INSL6: variants seen among roughly 807,000 people sequenced by gnomAD.
The protein encoded by INSL6 is insulin like 6.
INSL6 carries 16 observed loss-of-function variants against 9.4 expected under a neutral mutation model. That is an observed-to-expected ratio of 1.70 (90% CI 1.15 to 2.59). The LOEUF (loss-of-function observed/expected upper bound fraction) is 2.59, where lower values mean the gene tolerates loss of function less well. Ranked by LOEUF, INSL6 falls within the 30% of genes most tolerant of loss-of-function variation. The pLI is 0.00. For synonymous variants in INSL6, 154 were observed against 96.9 expected, an observed-to-expected ratio of 1.59 and a Z score of -3.46; for missense variants, 391 against 257.3, an observed-to-expected ratio of 1.52 and a Z score of -3.56.
intron 3 of INSL6, chr9:5,127,650 T>C (rs985092265): frequency 4.7e-5 from 11 of 232,064 alleles, no homozygotes; most frequent in Non-Finnish European, 9.4e-5. Context: ...AGGAATATTG[T>C]CATCCTTTGA....
At chr9:5,136,265 T>C (rs958802031) in intron 2 of INSL6, among the ~76,000 whole-genome samples, 2 of 152,212 alleles carry the variant, frequency 1.3e-5, no homozygotes, top group Non-Finnish European at 2.9e-5. Flanking sequence ...CCCTAACTCA[T>C]TTTATGAGGC....
the INSL6 span, chr9:5,044,536 C>T: frequency 1.4e-6 from 2 of 1,386,202 alleles, no homozygotes; most frequent in Non-Finnish European, 2.0e-6. Context: ...ATTATATTAT[C>T]TTACTTGTAC....
the INSL6 span, among the ~76,000 whole-genome samples, chr9:5,118,584 C>T: frequency 1.3e-5 from 2 of 152,076 alleles, no homozygotes; most frequent in African/African-American, 4.8e-5. Flanking sequence ...TGTATATCCT[C>T]GGATGAATAT....
At chr9:5,069,216 A>G in the INSL6 span, 2 of 1,577,340 alleles carry the variant, frequency 1.3e-6, no homozygotes, top group Non-Finnish European at 1.7e-6. Flanking sequence ...AAGGTAAGAT[A>G]ATTTTCTAGT....
At chr9:5,177,821 C>T (rs1825345537) in intron 1 of INSL6, among the ~76,000 whole-genome samples, 2 of 152,100 alleles carry the variant, frequency 1.3e-5, no homozygotes, top group Non-Finnish European at 1.5e-5. Context: ...AGGAAGGTAC[C>T]CCACAACACA....
At chr9:5,185,234 A>G in intron 1 of INSL6, 80 bp downstream of exon 1, 5 of 1,555,868 alleles carry the variant, frequency 3.2e-6, no homozygotes, top group Non-Finnish European at 4.4e-6. Context: ...TTCCTGGGGA[A>G]GCTCACCTTC....
the INSL6 span, among the ~76,000 whole-genome samples, chr9:5,060,099 T>C: frequency 6.6e-6 from 1 of 152,110 alleles, no homozygotes; most frequent in Non-Finnish European, 1.5e-5. Flanking sequence ...TAATCAAGTC[T>C]ACTAAGTGTG....
chr9:5,036,372 A>G, the INSL6 span, among the ~76,000 whole-genome samples: 3 of 152,216 alleles, frequency 2.0e-5, no homozygotes, highest in Non-Finnish European at 4.4e-5. Context: ...ATTGGAAAAA[A>G]CTACTTTAAA....
At chr9:5,014,979 C>G in the INSL6 span, among the ~76,000 whole-genome samples, 6 of 151,944 alleles carry the variant, frequency 3.9e-5, no homozygotes, top group East Asian at 1.2e-3. Flanking sequence ...TATGCCTAAA[C>G]AATGTACTAT....
At chr9:4,999,900 G>C in the INSL6 span, among the ~76,000 whole-genome samples, 9 of 152,086 alleles carry the variant, frequency 5.9e-5, no homozygotes, top group African/African-American at 2.2e-4. Context: ...TTTTTCAAAG[G>C]ACAATTATTA....
chr9:5,185,456 G>A lies in INSL6; in HGVS notation c.147C>T (p.Asn49=). The change falls in exon 1 of 2, where the codon AAC becomes AAT. Residue 49 remains asparagine, a synonymous_variant. Coordinates refer to ENST00000381641, the MANE Select transcript of INSL6 (RefSeq NM_007179.3). Reference sequence around the variant, plus strand: ...CCTCCTCGAAACGGAACTGGCTCCAGTTGGCATGGCCGCAGAGTTTTTCTA... The same window carrying A: ...CCTCCTCGAAACGGAACTGGCTCCAATTGGCATGGCCGCAGAGTTTTTCTA... ...KEIEKLCGHA[N]WSQFRFEEET... 6.2e-7 allele frequency: 1 copy of A among 1,614,184 alleles called. No homozygotes were observed. Among genetic ancestry groups the A allele is most frequent in the Non-Finnish European group, 8.5e-7 (1 of 1,180,028 alleles).
chr9:5,019,142 G>A, the INSL6 span, among the ~76,000 whole-genome samples: 1 of 152,010 alleles, frequency 6.6e-6, no homozygotes, highest in Non-Finnish European at 1.5e-5. Context: ...CATTAACCAG[G>A]TTTTCTATTC....
chr9:5,041,333 TTG>T, the INSL6 span: 1 of 702,436 alleles, frequency 1.4e-6, no homozygotes, highest in Non-Finnish European at 2.5e-6. Flanking sequence ...GCACAAGAGC[TTG>T]ACAGGTACGG....
the INSL6 span, among the ~76,000 whole-genome samples, chr9:5,026,226 C>T: frequency 6.6e-6 from 1 of 152,060 alleles, no homozygotes; most frequent in Non-Finnish European, 1.5e-5. Context: ...TGAGTTTCAC[C>T]TTAGTTGTAT....
At chr9:5,008,855 T>C in the INSL6 span, among the ~76,000 whole-genome samples, 3 of 152,190 alleles carry the variant, frequency 2.0e-5, no homozygotes, top group Non-Finnish European at 4.4e-5. Context: ...TTTAGAATTG[T>C]ACTCCCTGGA....
chr9:5,052,668 T>C, the INSL6 span, among the ~76,000 whole-genome samples: 1 of 152,224 alleles, frequency 6.6e-6, no homozygotes, highest in East Asian at 1.9e-4. Context: ...CCCCAGCCTC[T>C]GGAAACCACT....
chr9:5,088,541 TC>T, the INSL6 span, among the ~76,000 whole-genome samples: 2 of 110,148 alleles, frequency 1.8e-5, no homozygotes, highest in Non-Finnish European at 4.0e-5. Context: ...AAAGACATCT[TC>T]AAAAAAAAAA....
At chr9:5,147,005 T>C (rs1010874918) in intron 2 of INSL6, among the ~76,000 whole-genome samples, 6 of 152,130 alleles carry the variant, frequency 3.9e-5, no homozygotes, top group African/African-American at 1.4e-4. Context: ...TGTGCAAGAT[T>C]ACCCTTCAGA....
At chr9:5,142,469 T>G (rs922346144) in intron 2 of INSL6, among the ~76,000 whole-genome samples, 3 of 152,130 alleles carry the variant, frequency 2.0e-5, no homozygotes, top group African/African-American at 7.2e-5. Flanking sequence ...TAACTGTGAA[T>G]GGGAGTTTGT....
Sources: gnomAD v4.1 joint callset for allele counts (sites outside exome capture counted in the v4.1 genomes callset) on GRCh38, gnomAD v4.1.1 for gene constraint, MANE v1.5 for transcripts, NCBI Gene and HGNC (gene_info 2026-07-23, HGNC 2026-07-21) for gene names.